RGS6: variants seen among roughly 807,000 people sequenced by gnomAD.
RGS6 encodes regulator of G protein signaling 6.
RGS6 carries 30 observed loss-of-function variants against 78.5 expected under a neutral mutation model. The ratio of observed to expected loss-of-function variants is 0.38; its 90% CI spans 0.29 to 0.52. The LOEUF is 0.52. Among genes scored for constraint, RGS6 ranks in the 20% least tolerant of loss-of-function variants. The pLI, the probability that RGS6 is intolerant of heterozygous loss-of-function variation, is 0.85. For missense variants in RGS6, 495 were observed against 609.7 expected (o/e 0.81, Z 1.98); for synonymous variants, 206 against 206.0 (o/e 1.00, Z 0.00).
At chr14:72,549,239 G>GTTTTTTTTT (rs1224321539) in intron 17 of RGS6, among the ~76,000 whole-genome samples, 2 of 146,574 alleles carry the variant, frequency 1.4e-5, no homozygotes, top group South Asian at 2.3e-4. Flanking sequence ...CTTCTTTTCT[G>GTTTTTTTTT]TTTTTTGTTT....
At chr14:72,522,929 CT>C (rs2097068011) in intron 15 of RGS6, among the ~76,000 whole-genome samples, 2 of 152,170 alleles carry the variant, frequency 1.3e-5, no homozygotes, top group Admixed American at 1.3e-4. Context: ...TTAGAGGAGA[CT>C]TGGTTTTGAC....
chr14:72,542,462 G>A (rs752338487), intron 17 of RGS6, among the ~76,000 whole-genome samples: 52 of 152,192 alleles, frequency 3.4e-4, no homozygotes, highest in Non-Finnish European at 5.9e-4. Context: ...GAAGATCTAC[G>A]TGAATGTTTT....
chr14:72,296,217 G>A (rs1430328827), intron 2 of RGS6, among the ~76,000 whole-genome samples: 3 of 152,152 alleles, frequency 2.0e-5, no homozygotes, highest in African/African-American at 7.2e-5. Context: ...TGCCTGAGTA[G>A]TGTTCCATTG....
At chr14:72,555,552 T>C (rs1418084574) in intron 17 of RGS6, among the ~76,000 whole-genome samples, 1 of 152,150 alleles carries the variant, frequency 6.6e-6, no homozygotes. Context: ...CCAGTACGGG[T>C]TGGGCACAGG....
At chr14:72,398,802 G>A (rs1403897454) in intron 3 of RGS6, among the ~76,000 whole-genome samples, 7 of 152,024 alleles carry the variant, frequency 4.6e-5, no homozygotes, top group Admixed American at 6.6e-5. Flanking sequence ...CCTTCATTTC[G>A]TTATGTACCC....
At chr14:72,619,137 T>G in the RGS6 span, among the ~76,000 whole-genome samples, 2 of 152,218 alleles carry the variant, frequency 1.3e-5, no homozygotes, top group African/African-American at 4.8e-5. Flanking sequence ...GGTCAGGAGA[T>G]GCCTCACCCT....
intron 2 of RGS6, among the ~76,000 whole-genome samples, chr14:72,341,788 A>G (rs993665024): frequency 6.6e-6 from 1 of 152,116 alleles, no homozygotes; most frequent in Non-Finnish European, 1.5e-5. Context: ...CCTCAGATTC[A>G]CTCCAGTTGC....
chr14:71,961,694 G>A (rs2093211895), intron 1 of RGS6, among the ~76,000 whole-genome samples: 1 of 152,060 alleles, frequency 6.6e-6, no homozygotes, highest in Non-Finnish European at 1.5e-5. Context: ...AGTCCATATA[G>A]GAAAATAATA....
chr14:72,185,837 C>T (rs1242980808), intron 2 of RGS6, among the ~76,000 whole-genome samples: 2 of 152,186 alleles, frequency 1.3e-5, no homozygotes, highest in Admixed American at 1.3e-4. Flanking sequence ...CCCAGCTACT[C>T]AGGAGGCTGA....
rs751081476 is a variant in RGS6, at chr14:72,023,627, A to G, written c.84+58752A>G. The stretch of plus-strand genomic sequence containing the variant: ...GGGGGAAGGAAAGCATTAGAATAAA[A>G]AGAGAAATGTTCAGAGGCAGTTTGA... On this transcript the variant is annotated intron_variant, in intron 2 of 17. Transcript: ENST00000553525. Among the ~76,000 whole-genome samples the G allele has an allele frequency of 4.4e-4, 67 of 152,242 alleles. 1 individual carries two copies. The highest frequency in any genetic ancestry group is 8.1e-4 in the Non-Finnish European group (55 of 68,038).
At chr14:72,077,147 G>C (rs2094606721) in intron 2 of RGS6, among the ~76,000 whole-genome samples, 1 of 151,884 alleles carries the variant, frequency 6.6e-6, no homozygotes, top group South Asian at 2.1e-4. Flanking sequence ...TATGAAAGTT[G>C]TATGTATTTT....
At chr14:71,885,728 G>A in the RGS6 span, among the ~76,000 whole-genome samples, 1 of 152,042 alleles carries the variant, frequency 6.6e-6, no homozygotes, top group African/African-American at 2.4e-5. Context: ...AGGAAAGTTG[G>A]AAGGCTGTTC....
chr14:72,499,913 C>T (rs541629011), intron 13 of RGS6, among the ~76,000 whole-genome samples: 27 of 152,232 alleles, frequency 1.8e-4, no homozygotes, highest in African/African-American at 5.5e-4. Flanking sequence ...ATGATTTCAG[C>T]GCCTAGGCCT....
intron 2 of RGS6, among the ~76,000 whole-genome samples, chr14:71,985,331 C>G (rs1246187478): frequency 1.3e-5 from 2 of 152,144 alleles, no homozygotes; most frequent in Non-Finnish European, 1.5e-5. Flanking sequence ...ACTATGTTGG[C>G]CAGAATGGTC....
the RGS6 span, among the ~76,000 whole-genome samples, chr14:72,597,570 T>G: frequency 6.6e-6 from 1 of 152,236 alleles, no homozygotes; most frequent in Non-Finnish European, 1.5e-5. Context: ...TCCATGTAAT[T>G]TGGAATCAGG....
At chr14:72,254,473 A>G (rs1280911744) in intron 2 of RGS6, among the ~76,000 whole-genome samples, 2 of 151,998 alleles carry the variant, frequency 1.3e-5, no homozygotes, top group African/African-American at 2.4e-5. Flanking sequence ...TTGACAGTGC[A>G]TGCCTGAGAG....
chr14:72,283,126 A>G (rs973364667), intron 2 of RGS6, among the ~76,000 whole-genome samples: 2 of 152,222 alleles, frequency 1.3e-5, no homozygotes, highest in Non-Finnish European at 1.5e-5. Context: ...AAGGCTGAAT[A>G]ATATTCCACT....
chr14:72,042,341 C>A (rs1217679846), intron 2 of RGS6, among the ~76,000 whole-genome samples: 1 of 151,964 alleles, frequency 6.6e-6, no homozygotes, highest in Non-Finnish European at 1.5e-5. Flanking sequence ...GTTGGCCAGG[C>A]TGGTCTCAAA....
intron 15 of RGS6, among the ~76,000 whole-genome samples, chr14:72,525,130 T>C (rs919868364): frequency 6.6e-6 from 1 of 152,254 alleles, no homozygotes; most frequent in Non-Finnish European, 1.5e-5. Context: ...ATGCTGATAA[T>C]TCATTCCAGA....
Sources: gnomAD v4.1 joint callset for allele counts (sites outside exome capture counted in the v4.1 genomes callset) on GRCh38, gnomAD v4.1.1 for gene constraint, MANE v1.5 for transcripts, NCBI Gene and HGNC (gene_info 2026-07-23, HGNC 2026-07-21) for gene names.